Variants in DIS3L2 observed in about 807,000 individuals in gnomAD.
DIS3L2 encodes DIS3 like 3'-5' exoribonuclease 2, also known as DIS3-like exonuclease 2.
In DIS3L2, 34 loss-of-function variants were observed where a neutral mutation model predicts 97.5. That is an observed-to-expected ratio of 0.35 (90% CI 0.27 to 0.46). The LOEUF is 0.46. Ranked by LOEUF, DIS3L2 falls within the 20% of genes least tolerant of loss-of-function variation. The pLI, the probability that DIS3L2 is intolerant of heterozygous loss-of-function variation, is 1.00. For missense variants in DIS3L2, 1,038 were observed against 1,146.0 expected (o/e 0.91, Z 1.36); for synonymous variants, 435 against 445.2 (o/e 0.98, Z 0.29).
In DIS3L2 at chr2:232,021,103, G is replaced by A. The variant is rs184254426; in HGVS notation, c.211-3174G>A. 3.9e-5 allele frequency among the ~76,000 whole-genome samples: 6 copies of A among 152,320 alleles called. No individual in the cohort carries two copies. In the East Asian group the frequency reaches 5.8e-4, roughly 15 times the overall value. On this transcript the variant is annotated intron_variant, in intron 3 of 20. Coordinates refer to ENST00000325385, the MANE Select transcript of DIS3L2 (RefSeq NM_152383.5). Reference sequence around the variant, plus strand: ...AGTTAGACTGATTTAGCCCAGTTGTGTGGTGTTTTTCTATGGTACTGTTTA... The same window carrying A: ...AGTTAGACTGATTTAGCCCAGTTGTATGGTGTTTTTCTATGGTACTGTTTA...
chr2:232,286,426 G>A (rs1694435432), intron 13 of DIS3L2, among the ~76,000 whole-genome samples: 2 of 152,180 alleles, frequency 1.3e-5, no homozygotes, highest in African/African-American at 4.8e-5. Context: ...GCCACAGAGA[G>A]AGTGTTTCCC....
chr2:231,984,295 C>G (rs1433611061), intron 1 of DIS3L2, among the ~76,000 whole-genome samples: 1 of 150,444 alleles, frequency 6.6e-6, no homozygotes, highest in Non-Finnish European at 1.5e-5. Flanking sequence ...TTAAATTAAA[C>G]TTTTTATTTT....
intron 9 of DIS3L2, among the ~76,000 whole-genome samples, chr2:232,166,804 C>G (rs1458960082): frequency 6.6e-6 from 1 of 151,100 alleles, no homozygotes; most frequent in Non-Finnish European, 1.5e-5. Context: ...GTGGATCACT[C>G]GAGGTCAGGA....
chr2:231,981,601 TATATATATA>T lies in DIS3L2; in HGVS notation c.-94+19837_-94+19845del, dbSNP rs1559512404. On this transcript the variant is annotated intron_variant, in intron 1 of 20. Transcript: ENST00000325385. ...TAATGTTATACTGTTAAGTATTTTA[TATATATATA>T]TATATATATATATATATATATATAT... 3.9e-3 allele frequency among the ~76,000 whole-genome samples: 273 copies of T among 69,148 alleles called. 3 individuals are homozygous for T. Among genetic ancestry groups the T allele is most frequent in the African/African-American group, 0.019 (259 of 13,616 alleles). 45.4% of individuals were successfully genotyped at this position (69,148 alleles called of 152,430 possible). A position where few individuals can be genotyped will look rare whatever the true frequency, so the allele number is the denominator to read the frequency against.
chr2:231,971,819 G>C (rs1478207974), intron 1 of DIS3L2, among the ~76,000 whole-genome samples: 1 of 151,056 alleles, frequency 6.6e-6, no homozygotes, highest in Non-Finnish European at 1.5e-5. Context: ...CAGACCTCGT[G>C]ATCTGCCTGC....
At chr2:232,014,045 T>C (rs996518056) in intron 1 of DIS3L2, among the ~76,000 whole-genome samples, 2 of 152,222 alleles carry the variant, frequency 1.3e-5, no homozygotes, top group African/African-American at 4.8e-5. Flanking sequence ...ATTTCAAATA[T>C]AGACTTGACT....
At position 232,136,544 on chromosome 2, in the gene DIS3L2, A is replaced by G; in HGVS notation, c.775A>G (p.Ser259Gly). Residue 259 changes from serine (S) to glycine (G), a missense_variant, in exon 8 of 21, where the codon AGC becomes GGC. Ser to Gly is a moderately conservative substitution (Grantham distance 56). This residue lies in a region of DIS3L2 where 813 missense variants were observed against 880.1 expected (regional missense o/e 0.92). Coordinates refer to ENST00000325385, the MANE Select transcript of DIS3L2 (RefSeq NM_152383.5). ...GFLKLLADKN[S>G]ELFRKYALFS... ...CCTCAAACTCTTGGCTGATAAGAAC[A>G]GCGAACTGTTTAGGAAATACGCCCT... The G allele has an allele frequency of 6.2e-7, 1 of 1,614,100 alleles. No homozygotes were observed. Among genetic ancestry groups the G allele is most frequent in the Non-Finnish European group, 8.5e-7 (1 of 1,179,960 alleles).
chr2:232,094,821 A>G (rs1364171845), intron 6 of DIS3L2, among the ~76,000 whole-genome samples: 1 of 151,670 alleles, frequency 6.6e-6, no homozygotes, highest in African/African-American at 2.4e-5. Flanking sequence ...TGCTTTATAT[A>G]TCTGGGCACT....
chr2:232,172,415 G>A (rs767115492), intron 9 of DIS3L2, among the ~76,000 whole-genome samples: 12 of 152,116 alleles, frequency 7.9e-5, no homozygotes, highest in Non-Finnish European at 8.8e-5. Flanking sequence ...GGTAGCTGAC[G>A]TGGTTTACTT....
Position 232,020,218 on chromosome 2 carries a change from C to T in DIS3L2, c.211-4059C>T, listed in dbSNP as rs1321597447. Among the ~76,000 whole-genome samples the T allele has an allele frequency of 2.0e-5, 3 of 152,244 alleles. No homozygotes were observed. The East Asian group carries it at 5.8e-4, about 29-fold the overall frequency. ...TTTTGTTCAAAGAGCAGCAGGAAGT[C>T]ACTGAAGGCTCTTAAGCAGGGGAAG... On this transcript the variant is annotated intron_variant, in intron 3 of 20. Coordinates refer to ENST00000325385, the MANE Select transcript of DIS3L2 (RefSeq NM_152383.5).
intron 13 of DIS3L2, among the ~76,000 whole-genome samples, chr2:232,277,232 A>G (rs890372697): frequency 7.9e-5 from 12 of 152,174 alleles, no homozygotes; most frequent in Non-Finnish European, 1.3e-4. Context: ...TTTGGGAGCA[A>G]GGAAGGCAAA....
chr2:231,968,255 G>A (rs974865267), intron 1 of DIS3L2, among the ~76,000 whole-genome samples: 2 of 151,988 alleles, frequency 1.3e-5, no homozygotes, highest in Non-Finnish European at 2.9e-5. Context: ...CTGCCACCAT[G>A]CCCAGCTAAT....
chr2:231,998,657 T>G (rs1444233665), intron 1 of DIS3L2, among the ~76,000 whole-genome samples: 4 of 152,322 alleles, frequency 2.6e-5, no homozygotes, highest in Non-Finnish European at 5.9e-5. Context: ...TTGAAACTAT[T>G]TAAAATTCTG....
intron 14 of DIS3L2, among the ~76,000 whole-genome samples, chr2:232,322,629 C>T (rs1695467243): frequency 6.6e-6 from 1 of 152,186 alleles, no homozygotes; most frequent in Admixed American, 6.5e-5. Context: ...TGGGCAGGAG[C>T]AGTTTTCAGA....
intron 14 of DIS3L2, among the ~76,000 whole-genome samples, chr2:232,320,195 C>A (rs1001151317): frequency 6.6e-6 from 1 of 150,736 alleles, no homozygotes; most frequent in Non-Finnish European, 1.5e-5. Context: ...GGGTGGGGGA[C>A]ACATTCATTG....
At chr2:232,249,067 G>A (rs925274965) in intron 11 of DIS3L2, among the ~76,000 whole-genome samples, 172 bp from the exon 12 acceptor site, 7 of 152,146 alleles carry the variant, frequency 4.6e-5, no homozygotes, top group African/African-American at 1.4e-4. Flanking sequence ...CTCTAGAGGC[G>A]CATGGAAAAG....
intron 14 of DIS3L2, among the ~76,000 whole-genome samples, chr2:232,312,080 T>C (rs1443704785): frequency 6.6e-6 from 1 of 152,246 alleles, no homozygotes; most frequent in Non-Finnish European, 1.5e-5. Flanking sequence ...TCCTCTATAT[T>C]CTGGATATCA....
chr2:232,050,847 A>G (rs1695381357), intron 5 of DIS3L2, among the ~76,000 whole-genome samples: 1 of 152,200 alleles, frequency 6.6e-6, no homozygotes, highest in South Asian at 2.1e-4. Context: ...AGAGAGCCAC[A>G]TTGCTGTGTG....
At chr2:232,193,505 C>T (rs1691670502) in intron 9 of DIS3L2, among the ~76,000 whole-genome samples, 1 of 152,140 alleles carries the variant, frequency 6.6e-6, no homozygotes, top group African/African-American at 2.4e-5. Context: ...CCCTTTATTT[C>T]TGATGATTAT....
Sources: gnomAD v4.1 joint callset for allele counts (sites outside exome capture counted in the v4.1 genomes callset) on GRCh38, gnomAD v4.1.1 for gene constraint, gnomAD v4.1.1 regional missense constraint, MANE v1.5 for transcripts, NCBI Gene and HGNC (gene_info 2026-07-23, HGNC 2026-07-21) for gene names.